The following ZBTB7C variants were observed in gnomAD, a reference collection of about 807,000 sequenced individuals.
The protein encoded by ZBTB7C is zinc finger and BTB domain-containing protein 7C.
Under a neutral mutation model 25.7 loss-of-function variants are expected in ZBTB7C, and 8 were observed. The observed-to-expected ratio is 0.31, with a 90% CI of 0.18 to 0.56. The LOEUF is 0.56. Among genes scored for constraint, ZBTB7C ranks in the 20% least tolerant of loss-of-function variants. ZBTB7C has a pLI of 0.91. For synonymous variants in ZBTB7C, 394 were observed against 369.0 expected, an observed-to-expected ratio of 1.07 and a Z score of -0.78; for missense variants, 824 against 855.2, an observed-to-expected ratio of 0.96 and a Z score of 0.46.
At chr18:48,039,680 G>A (rs546742353) in intron 4 of ZBTB7C, among the ~76,000 whole-genome samples, 10 of 152,190 alleles carry the variant, frequency 6.6e-5, no homozygotes, top group Non-Finnish European at 1.5e-4. Context: ...TCATGTCATG[G>A]GCTTCCACCT....
chr18:48,311,627 T>C (rs1291213906), intron 2 of ZBTB7C, among the ~76,000 whole-genome samples: 3 of 151,736 alleles, frequency 2.0e-5, no homozygotes, highest in Non-Finnish European at 2.9e-5. Flanking sequence ...TGCCCAATAA[T>C]ATGGCTATTC....
intron 2 of ZBTB7C, among the ~76,000 whole-genome samples, chr18:48,218,167 T>C (rs927086040): frequency 6.6e-6 from 1 of 152,176 alleles, no homozygotes; most frequent in Non-Finnish European, 1.5e-5. Flanking sequence ...TCAGCTTCCC[T>C]TGTGGCCTTG....
chr18:48,401,872 C>G (rs1002990025), intron 1 of ZBTB7C, among the ~76,000 whole-genome samples: 2 of 152,114 alleles, frequency 1.3e-5, no homozygotes, highest in Admixed American at 1.3e-4. Flanking sequence ...AAAAACCCAT[C>G]AAAATTCTTA....
At chr18:48,075,214 C>T (rs1428515060) in intron 3 of ZBTB7C, among the ~76,000 whole-genome samples, 1 of 152,206 alleles carries the variant, frequency 6.6e-6, no homozygotes, top group Non-Finnish European at 1.5e-5. Context: ...GGGTAGATGG[C>T]ACTGCCAAAC....
chr18:48,039,266 C>T (rs1014215315), intron 4 of ZBTB7C, among the ~76,000 whole-genome samples: 44 of 152,186 alleles, frequency 2.9e-4, no homozygotes, highest in African/African-American at 9.9e-4. Flanking sequence ...GACCTACAGG[C>T]ATCTCTGCAG....
intron 2 of ZBTB7C, among the ~76,000 whole-genome samples, chr18:48,198,854 C>T (rs1427403347): frequency 1.3e-5 from 2 of 152,212 alleles, no homozygotes; most frequent in Non-Finnish European, 2.9e-5. Context: ...GTCTACCCTA[C>T]ACACCATGCT....
chr18:48,200,081 G>C (rs774003908), intron 2 of ZBTB7C, among the ~76,000 whole-genome samples: 1 of 151,942 alleles, frequency 6.6e-6, no homozygotes, highest in Non-Finnish European at 1.5e-5. Context: ...TAGCCACCCT[G>C]CCTGGAGAAT....
At chr18:48,263,721 G>A (rs2044236074) in intron 2 of ZBTB7C, among the ~76,000 whole-genome samples, 1 of 148,944 alleles carries the variant, frequency 6.7e-6, no homozygotes, top group Non-Finnish European at 1.5e-5. Flanking sequence ...TCAGCAGAAA[G>A]GAGCCAAGGA....
At chr18:48,321,835 AC>A (rs1305329788) in intron 2 of ZBTB7C, among the ~76,000 whole-genome samples, 2 of 152,150 alleles carry the variant, frequency 1.3e-5, no homozygotes, top group Middle Eastern at 3.4e-3. Flanking sequence ...CTGCATAAGC[AC>A]CCCCATCTCA....
At chr18:48,142,600 A>G (rs1001495835) in intron 3 of ZBTB7C, among the ~76,000 whole-genome samples, 2 of 152,018 alleles carry the variant, frequency 1.3e-5, no homozygotes, top group East Asian at 3.9e-4. Context: ...TCAGGCACCC[A>G]CTGTGGGAGG....
At chr18:48,313,977 T>A (rs1568370053) in intron 2 of ZBTB7C, among the ~76,000 whole-genome samples, 1 of 152,156 alleles carries the variant, frequency 6.6e-6, no homozygotes, top group Non-Finnish European at 1.5e-5. Flanking sequence ...TTCTCCTTCT[T>A]GCTCCAGCTT....
chr18:48,395,329 G>A (rs1171860090), intron 1 of ZBTB7C, among the ~76,000 whole-genome samples: 3 of 123,312 alleles, frequency 2.4e-5, no homozygotes, highest in Non-Finnish European at 5.1e-5. Flanking sequence ...GAGGGGTTGG[G>A]GGTGATGTGT....
intron 1 of ZBTB7C, among the ~76,000 whole-genome samples, chr18:48,341,130 C>T (rs1407906432): frequency 6.6e-6 from 1 of 152,186 alleles, no homozygotes; most frequent in Admixed American, 6.5e-5. Context: ...TTCGTTTGCT[C>T]ACTTGTTTAT....
At chr18:48,412,202 C>T (rs895357004), upstream of ZBTB7C, among the ~76,000 whole-genome samples, 4 of 152,132 alleles carry the variant, frequency 2.6e-5, no homozygotes, top group Admixed American at 1.3e-4. Flanking sequence ...CTGTAGAGCA[C>T]ATTGTAAATT....
chr18:48,368,257 A>AAAG (rs1368386468), intron 1 of ZBTB7C, among the ~76,000 whole-genome samples: 1 of 151,858 alleles, frequency 6.6e-6, no homozygotes, highest in Non-Finnish European at 1.5e-5. Flanking sequence ...AAAAAAAAAA[A>AAAG]ATCAAATATA....
chr18:48,265,405 G>C (rs2044282571), intron 2 of ZBTB7C, among the ~76,000 whole-genome samples: 1 of 152,208 alleles, frequency 6.6e-6, no homozygotes. Flanking sequence ...TCTGAAGCTA[G>C]AACACGGGAG....
At chr18:48,280,941 C>A (rs192496598) in intron 2 of ZBTB7C, among the ~76,000 whole-genome samples, 1 of 150,460 alleles carries the variant, frequency 6.6e-6, no homozygotes. Context: ...GCAACCTCTG[C>A]CTCTTGGGTT....
intron 2 of ZBTB7C, among the ~76,000 whole-genome samples, chr18:48,228,947 G>A (rs536307487): frequency 2.0e-5 from 3 of 151,936 alleles, no homozygotes; most frequent in Admixed American, 6.6e-5. Flanking sequence ...ACTCCAGCTG[G>A]CTCTCCAGTG....
intron 3 of ZBTB7C, among the ~76,000 whole-genome samples, chr18:48,179,783 T>A (rs2041828653): frequency 9.9e-6 from 1 of 101,210 alleles, no homozygotes; most frequent in African/African-American, 4.1e-5. Flanking sequence ...TTTCTCCTTC[T>A]CTCCCTCCCT....
Sources: allele counts gnomAD v4.1 joint callset (sites outside exome capture counted in the v4.1 genomes callset), GRCh38; gene constraint gnomAD v4.1.1; transcripts MANE v1.5; gene names NCBI Gene and HGNC (gene_info 2026-07-23, HGNC 2026-07-21).